The following PDS5A variants were observed in gnomAD, a reference collection of about 807,000 sequenced individuals.
PDS5A encodes the protein PDS5 cohesin associated factor A, also known as sister chromatid cohesion protein PDS5 homolog A.
A neutral mutation model predicts 167.1 loss-of-function variants in PDS5A; 42 were observed. That is an observed-to-expected ratio of 0.25 (90% CI 0.20 to 0.33). PDS5A has a LOEUF of 0.33. Among genes scored for constraint, PDS5A ranks in the 10% least tolerant of loss-of-function variants. The pLI is 1.00. For missense variants in PDS5A, 1,033 were observed against 1,605.9 expected, an observed-to-expected ratio of 0.64 and a Z score of 6.10; for synonymous variants, 553 against 554.6, an observed-to-expected ratio of 1.00 and a Z score of 0.04.
intron 2 of PDS5A, among the ~76,000 whole-genome samples, chr4:39,964,916 C>T (rs960371897): frequency 3.3e-5 from 5 of 152,008 alleles, no homozygotes; most frequent in African/African-American, 1.2e-4. Context: ...GCACTCCAGC[C>T]TGGGTGACAG....
At chr4:39,847,335 C>T (rs1404120011) in intron 28 of PDS5A, 1 of 152,130 alleles carries the variant, frequency 6.6e-6, no homozygotes, top group Non-Finnish European at 1.5e-5. Context: ...ATAGGCTGGG[C>T]ATGGTGGCTC....
chr4:39,900,232 A>C (rs991114613), intron 14 of PDS5A, among the ~76,000 whole-genome samples, 194 bp downstream of exon 14: 2 of 152,228 alleles, frequency 1.3e-5, no homozygotes, highest in African/African-American at 4.8e-5. Context: ...TTCTTTGCTC[A>C]CACTAGAAAA....
Position 39,898,845 on chromosome 4 carries a change from CA to C in PDS5A, c.1582-21del. 6.4e-7 allele frequency: 1 copy of C among 1,552,774 alleles called. No homozygotes were observed. The highest frequency in any genetic ancestry group is 8.8e-7 in the Non-Finnish European group (1 of 1,136,168). ...CTCTGACTGAAATTTAAAACAGAAA[CA>C]AAAGAACAACTAGTCATATGTGTTA... On this transcript the variant is annotated intron_variant, in intron 14 of 32. Transcript: ENST00000303538.
At chr4:39,920,169 A>G (rs1033997718) in intron 7 of PDS5A, 150 bp downstream of exon 7, 8 of 374,792 alleles carry the variant, frequency 2.1e-5, no homozygotes, top group Non-Finnish European at 3.9e-5. Context: ...CATGAAACTT[A>G]TGCTGCATTT....
At chr4:39,916,898 A>C in intron 8 of PDS5A, 150 bp downstream of exon 8, 1 of 453,774 alleles carries the variant, frequency 2.2e-6, no homozygotes, top group Middle Eastern at 5.8e-4. Context: ...AATTGAAGTC[A>C]CACTTTATTC....
chr4:39,827,597 A>G (rs1312135292), intron 32 of PDS5A, among the ~76,000 whole-genome samples: 1 of 152,214 alleles, frequency 6.6e-6, no homozygotes, highest in Non-Finnish European at 1.5e-5. Flanking sequence ...CTTAGGGGTT[A>G]ATTTTGAGAT....
chr4:39,830,040 A>G (rs1222637574), intron 32 of PDS5A, among the ~76,000 whole-genome samples: 1 of 149,226 alleles, frequency 6.7e-6, no homozygotes, highest in African/African-American at 2.5e-5. Flanking sequence ...ACAATAAGTG[A>G]TATGCTGGGA....
chr4:39,910,404 T>C, intron 9 of PDS5A, 66 bp from the exon 10 acceptor site: 1 of 800,138 alleles, frequency 1.2e-6, no homozygotes, highest in East Asian at 2.7e-5. Context: ...ATCAGGTATA[T>C]CTAACATGAA....
intron 12 of PDS5A, 139 bp from the exon 13 acceptor site, chr4:39,902,599 T>C (rs1013474717): frequency 5.9e-6 from 3 of 508,190 alleles, no homozygotes; most frequent in Admixed American, 3.8e-5. Context: ...CTCGGCTCAA[T>C]GCAACCTCTG....
In PDS5A at chr4:39,869,411, G is replaced by C. The variant is rs765119434; in HGVS notation, c.2488C>G (p.Pro830Ala). 2 of 1,599,070 alleles carry C rather than the reference G, an allele frequency of 1.3e-6. No homozygotes were observed. The highest frequency in any genetic ancestry group is 3.3e-5 in the Admixed American group (2 of 59,986). ...AAATTTACCTTTGCTAGTACTTCAG[G>C]GGAAACCTCTTCATCTGGAGACCAC... is the stretch of plus-strand genomic sequence containing the variant. ...KLWSPDEEVS[P>A]EVLAKVQAIK... The change falls in exon 22 of 33, where the codon CCT becomes GCT. Residue 830 changes from proline (P) to alanine (A), a missense_variant. Around this residue, in one of 4 missense-constraint regions of PDS5A, gnomAD observed 367 missense variants for 686.7 expected, o/e 0.53. Transcript: ENST00000303538.
chr4:39,882,573 T>C (rs1029216443), intron 17 of PDS5A, among the ~76,000 whole-genome samples: 7 of 152,240 alleles, frequency 4.6e-5, no homozygotes, highest in African/African-American at 1.7e-4. Context: ...TGTAAATACA[T>C]GTGATAGGTT....
chr4:39,849,128 C>T (rs77214008), intron 27 of PDS5A, among the ~76,000 whole-genome samples, 158 bp from the exon 28 acceptor site: 1 of 152,096 alleles, frequency 6.6e-6, no homozygotes. Context: ...GTTTATGCAG[C>T]CTTCTGATAA....
Position 39,839,294 on chromosome 4 carries a change from G to A in PDS5A, c.3658-1086C>T, listed in dbSNP as rs116769619. ...TTGATCTAAAAATGTAACGTCGGGC[G>A]GGCATGGTGGCTCACGGCTGTAATC... On this transcript the variant is annotated intron_variant, in intron 31 of 32. Coordinates refer to ENST00000303538, the MANE Select transcript of PDS5A (RefSeq NM_001100399.2). Among the ~76,000 whole-genome samples, 352 of 151,822 alleles carry A rather than the reference G, an allele frequency of 2.3e-3. 6 individuals carry two copies. The highest frequency in any genetic ancestry group is 7.8e-3 in the African/African-American group (323 of 41,438).
At chr4:39,921,581 C>CT (rs1334000199) in intron 6 of PDS5A, among the ~76,000 whole-genome samples, 7 of 84,484 alleles carry the variant, frequency 8.3e-5, no homozygotes, top group Non-Finnish European at 1.0e-4. Context: ...ACAAAGAAAA[C>CT]TTAAAAAAAA....
chr4:39,866,508 T>C (rs1313329503), intron 23 of PDS5A, among the ~76,000 whole-genome samples: 2 of 152,208 alleles, frequency 1.3e-5, no homozygotes, highest in Non-Finnish European at 2.9e-5. Flanking sequence ...GGCAGGGACT[T>C]TTCCTACTTA....
intron 2 of PDS5A, chr4:39,974,430 T>C (rs1407870903): frequency 3.2e-6 from 1 of 314,444 alleles, no homozygotes; most frequent in Non-Finnish European, 6.2e-6. Context: ...ATCCATCAAT[T>C]GTTTAAGTTT....
At chr4:39,880,457 T>C (rs558182180) in intron 17 of PDS5A, among the ~76,000 whole-genome samples, 2 of 152,268 alleles carry the variant, frequency 1.3e-5, no homozygotes, top group Non-Finnish European at 2.9e-5. Flanking sequence ...CATGGTACTA[T>C]TTTAAGTAAA....
intron 26 of PDS5A, among the ~76,000 whole-genome samples, chr4:39,861,802 T>A (rs964561473): frequency 4.6e-5 from 7 of 152,190 alleles, no homozygotes; most frequent in African/African-American, 1.2e-4. Flanking sequence ...TGTATCAAAA[T>A]TTTTTAAAAG....
intron 17 of PDS5A, among the ~76,000 whole-genome samples, chr4:39,887,784 C>T (rs554403491): frequency 6.6e-6 from 1 of 152,260 alleles, no homozygotes; most frequent in East Asian, 1.9e-4. Flanking sequence ...AGCGAAGAGA[C>T]AACCCACAGA....
Sources: allele counts gnomAD v4.1 joint callset (sites outside exome capture counted in the v4.1 genomes callset), GRCh38; gene constraint gnomAD v4.1.1; regional missense constraint gnomAD v4.1.1; transcripts MANE v1.5; gene names NCBI Gene and HGNC (gene_info 2026-07-23, HGNC 2026-07-21).